Variants in HERC6 observed in about 807,000 individuals in gnomAD.
HERC6 encodes HECT and RLD domain containing E3 ubiquitin protein ligase family member 6.
Under a neutral mutation model 114.5 loss-of-function variants are expected in HERC6, and 101 were observed. The ratio of observed to expected loss-of-function variants is 0.88; its 90% CI spans 0.75 to 1.04. The LOEUF (loss-of-function observed/expected upper bound fraction) is 1.04, where lower values mean the gene tolerates loss of function less well. Among genes scored for constraint, HERC6 ranks in the 50% least tolerant of loss-of-function variants. HERC6 has a pLI of 0.00. For synonymous variants in HERC6, 408 were observed against 436.2 expected, an observed-to-expected ratio of 0.94 and a Z score of 0.81; for missense variants, 1,133 against 1,230.9, an observed-to-expected ratio of 0.92 and a Z score of 1.19.
At chr4:88,429,358 G>C (rs561796061) in intron 16 of HERC6, among the ~76,000 whole-genome samples, 2 of 152,308 alleles carry the variant, frequency 1.3e-5, no homozygotes, top group South Asian at 4.1e-4. Flanking sequence ...ATATGCAAAA[G>C]ACATGGATCA....
chr4:88,422,043 T>C (rs2148943780), intron 13 of HERC6, among the ~76,000 whole-genome samples: 1 of 152,334 alleles, frequency 6.6e-6, no homozygotes, highest in South Asian at 2.1e-4. Flanking sequence ...TATTTTCCCA[T>C]GTGTTGTTTT....
intron 8 of HERC6, among the ~76,000 whole-genome samples, chr4:88,402,238 A>G (rs1450645285): frequency 2.0e-5 from 3 of 152,190 alleles, no homozygotes; most frequent in African/African-American, 7.2e-5. Context: ...AACAATTGAT[A>G]ATTATAACAT....
rs999211218 is a variant in HERC6, at chr4:88,424,402, C to A, written c.1828-193C>A. Among the ~76,000 whole-genome samples, 16 of 152,162 alleles carry A rather than the reference C, an allele frequency of 1.1e-4. 1 individual carries two copies. Among genetic ancestry groups the A allele is most frequent in the Admixed American group, 8.5e-4 (13 of 15,268 alleles). On this transcript the variant is annotated intron_variant, in intron 14 of 22. Transcript: ENST00000264346. ...GGCTGAGGTGGGAGGATCACTTGAGCCCAGAGAAGGAGGTTTTAGTGAGCC... is the reference window on the plus strand; with the variant it reads ...GGCTGAGGTGGGAGGATCACTTGAGACCAGAGAAGGAGGTTTTAGTGAGCC...
chr4:88,427,978 G>A (rs753243243), intron 15 of HERC6, among the ~76,000 whole-genome samples: 1 of 152,204 alleles, frequency 6.6e-6, no homozygotes, highest in African/African-American at 2.4e-5. Context: ...GAAGTACTTA[G>A]GGTGATCAGA....
chr4:88,440,544 G>A (rs1240367362), intron 22 of HERC6: 1 of 307,346 alleles, frequency 3.3e-6, no homozygotes, highest in South Asian at 6.1e-5. Context: ...TGAGGAGGTG[G>A]TGTCTGATCT....
At chr4:88,432,637 G>C (rs1738346788) in intron 17 of HERC6, among the ~76,000 whole-genome samples, 2 of 152,102 alleles carry the variant, frequency 1.3e-5, no homozygotes, top group South Asian at 4.2e-4. Context: ...GCTGAGGCAG[G>C]AGAATCACTT....
chr4:88,384,788 G>A (rs1578367687), intron 2 of HERC6, among the ~76,000 whole-genome samples: 1 of 152,144 alleles, frequency 6.6e-6, no homozygotes, highest in South Asian at 2.1e-4. Context: ...GGCAGGCCAA[G>A]GTGGGCGGAT....
In HERC6 at chr4:88,435,809, T is replaced by C; in HGVS notation, c.2335T>C (p.Phe779Leu). The C allele has an allele frequency of 6.2e-7, 1 of 1,612,662 alleles. No homozygotes were observed. The highest frequency in any genetic ancestry group is 8.5e-7 in the Non-Finnish European group (1 of 1,179,248). ...LFNLNVANLP[F>L]PLALYKKLLD... ...CAATTTAAATGTTGCTAACCTTCCT[T>C]TCCCACTGGCTCTGTATAAAAAACT... The change falls in exon 18 of 23, where the codon TTC becomes CTC. Residue 779 changes from phenylalanine (F) to leucine (L), a missense_variant. Physicochemically the swap from Phe to Leu is conservative, Grantham distance 22. Around this residue, in one of 3 missense-constraint regions of HERC6, gnomAD observed 388 missense variants for 445.9 expected, o/e 0.87. Coordinates refer to ENST00000264346, the MANE Select transcript of HERC6 (RefSeq NM_017912.4).
At chr4:88,423,182 T>C (rs1469650379) in intron 13 of HERC6, among the ~76,000 whole-genome samples, 1 of 152,140 alleles carries the variant, frequency 6.6e-6, no homozygotes, top group East Asian at 1.9e-4. Context: ...ATTTATGTTC[T>C]TAAGTTTCTT....
Position 88,439,779 on chromosome 4 carries a change from C to CAATAGA in HERC6, c.2556-89_2556-84dup, listed in dbSNP as rs140126159. 9,971 of 1,188,786 alleles carry CAATAGA rather than the reference C, an allele frequency of 8.4e-3. 574 individuals are homozygous for CAATAGA. In the African/African-American group the frequency reaches 0.13, roughly 15 times the overall value. 73.6% of individuals were successfully genotyped at this position (1,188,786 alleles called of 1,614,324 possible). A position where few individuals can be genotyped will look rare whatever the true frequency, so the allele number is the denominator to read the frequency against. On this transcript the variant is annotated intron_variant, in intron 20 of 22. Coordinates refer to ENST00000264346, the MANE Select transcript of HERC6 (RefSeq NM_017912.4). ...ATAGAAGTAATTTACTTTTCCTTCT[C>CAATAGA]AATAGAAATAGTAAAAAGAACAAAG...
Position 88,404,871 on chromosome 4 carries a change from T to G in HERC6, c.1093-5T>G. On this transcript the variant is annotated splice_polypyrimidine_tract_variant and splice_region_variant and intron_variant, in intron 8 of 22. Transcript: ENST00000264346. The stretch of plus-strand genomic sequence containing the variant: ...TGATCATTCTTGTTTCTTCCTTCCC[T>G]GAAGGATACTAGTTCCACACGTGCT... 1.2e-6 allele frequency: 2 copies of G among 1,613,120 alleles called. No individual in the cohort carries two copies. The highest frequency in any genetic ancestry group is 1.7e-6 in the Non-Finnish European group (2 of 1,179,336).
intron 17 of HERC6, 24 bp downstream of exon 17, chr4:88,431,329 TC>T (rs773312450): frequency 4.6e-5 from 72 of 1,564,698 alleles, no homozygotes; most frequent in South Asian, 1.2e-4. Context: ...TTTTTTTTTT[TC>T]CCCCAGAACA....
Position 88,406,785 on chromosome 4 carries a change from G to A in HERC6, c.1274+1172G>A, listed in dbSNP as rs756810756. Among the ~76,000 whole-genome samples the A allele has an allele frequency of 6.4e-4, 98 of 152,096 alleles. 1 individual carries two copies. The highest frequency in any genetic ancestry group is 1.2e-3 in the Non-Finnish European group (85 of 68,008). On this transcript the variant is annotated intron_variant, in intron 10 of 22. Coordinates refer to ENST00000264346, the MANE Select transcript of HERC6 (RefSeq NM_017912.4). ...ATTTATTTATTTATTTAGAGGTGAA[G>A]TCTCACTCTGTCACCCAGGCCGGAG...
chr4:88,408,739 G>C, intron 11 of HERC6, 122 bp downstream of exon 11: 7 of 689,262 alleles, frequency 1.0e-5, no homozygotes, highest in Non-Finnish European at 5.1e-6. Context: ...GCCCACTGCA[G>C]AAACAAAAAT....
Position 88,440,208 on chromosome 4 carries a change from G to C in HERC6, c.2800G>C (p.Ala934Pro). 1 of 1,606,322 alleles carries C rather than the reference G, an allele frequency of 6.2e-7. No homozygotes were observed. Among genetic ancestry groups the C allele is most frequent in the East Asian group, 2.2e-5 (1 of 44,770 alleles). Residue 934 changes from alanine to proline, a missense_variant, in exon 22 of 23, where the codon GCT becomes CCT. Physicochemically the swap from Ala to Pro is conservative, Grantham distance 27. Transcript: ENST00000264346. ...TCCTACTATACAGTTGTTTTGGAAGGCTTTCCACAAACTAACCTTGGATGA... is the reference window on the plus strand; with the variant it reads ...TCCTACTATACAGTTGTTTTGGAAGCCTTTCCACAAACTAACCTTGGATGA... ...SHPTIQLFWK[A>P]FHKLTLDEKK...
intron 12 of HERC6, among the ~76,000 whole-genome samples, chr4:88,416,601 ATTG>A (rs1736502210): frequency 6.6e-6 from 1 of 151,894 alleles, no homozygotes; most frequent in Non-Finnish European, 1.5e-5. Flanking sequence ...TCCTGCTGTA[ATTG>A]TTATTATTTT....
intron 4 of HERC6, 56 bp downstream of exon 4, chr4:88,390,935 C>T (rs1734888725): frequency 1.4e-6 from 2 of 1,458,468 alleles, no homozygotes; most frequent in African/African-American, 1.4e-5. Context: ...AGGTGGAAGA[C>T]CAACTTGGCA....
chr4:88,398,231 C>T, intron 8 of HERC6, 22 bp downstream of exon 8: 3 of 1,466,732 alleles, frequency 2.0e-6, no homozygotes, highest in Non-Finnish European at 2.8e-6. Flanking sequence ...ACTTTTTGTT[C>T]CTCTTAAAAA....
At chr4:88,421,517 G>C (rs1303309674) in intron 13 of HERC6, among the ~76,000 whole-genome samples, 2 of 149,586 alleles carry the variant, frequency 1.3e-5, no homozygotes, top group Non-Finnish European at 3.0e-5. Context: ...GCAGGATCTC[G>C]GCTCACTGCC....
Sources: allele counts gnomAD v4.1 joint callset (sites outside exome capture counted in the v4.1 genomes callset), GRCh38; gene constraint gnomAD v4.1.1; regional missense constraint gnomAD v4.1.1; transcripts MANE v1.5; gene names NCBI Gene and HGNC (gene_info 2026-07-23, HGNC 2026-07-21).